Variants in BMP8B observed in about 807,000 individuals in gnomAD.
BMP8B encodes bone morphogenetic protein 8b.
Under a neutral mutation model 30.3 loss-of-function variants are expected in BMP8B, and 17 were observed. The observed-to-expected ratio is 0.56, with a 90% CI of 0.38 to 0.84. BMP8B has a LOEUF of 0.84. Ranked by LOEUF, BMP8B falls within the 40% of genes least tolerant of loss-of-function variation. The pLI, the probability that BMP8B is intolerant of heterozygous loss-of-function variation, is 0.00. For synonymous variants in BMP8B, 131 were observed against 214.7 expected, an observed-to-expected ratio of 0.61 and a Z score of 3.41; for missense variants, 253 against 494.6, an observed-to-expected ratio of 0.51 and a Z score of 4.63.
intron 6 of BMP8B, chr1:39,762,538 T>G: frequency 2.6e-6 from 4 of 1,550,242 alleles, no homozygotes; most frequent in Non-Finnish European, 3.5e-6. Context: ...TACCAAGGCA[T>G]CAAAAGCCAG....
intron 5 of BMP8B, among the ~76,000 whole-genome samples, chr1:39,763,418 C>G (rs1649313614): frequency 9.2e-6 from 1 of 108,466 alleles, no homozygotes; most frequent in Admixed American, 8.3e-5. Flanking sequence ...CTGCCCACGC[C>G]TCCCAGAGCT....
chr1:39,760,701 A>G (rs564341356), intron 6 of BMP8B, 133 bp from the exon 7 acceptor site: 207 of 1,214,506 alleles, frequency 1.7e-4, no homozygotes, highest in Admixed American at 3.0e-4. Flanking sequence ...CACAATAATA[A>G]TAACTATTAA....
intron 1 of BMP8B, among the ~76,000 whole-genome samples, chr1:39,783,626 C>A (rs976011918): frequency 1.3e-5 from 2 of 152,090 alleles, no homozygotes; most frequent in East Asian, 1.9e-4. Flanking sequence ...GAAAAGAAAA[C>A]GCTGGGCACA....
At chr1:39,786,713 G>C (rs1651005218) in intron 1 of BMP8B, among the ~76,000 whole-genome samples, 1 of 149,522 alleles carries the variant, frequency 6.7e-6, no homozygotes, top group Non-Finnish European at 1.5e-5. Context: ...CTTCACAGAT[G>C]GTCTCCTCTG....
At chr1:39,762,509 C>T (rs1194612374) in intron 6 of BMP8B, 3 of 1,548,858 alleles carry the variant, frequency 1.9e-6, no homozygotes. Context: ...CTGCTTTTGT[C>T]CTTTAAGGTT....
In BMP8B at chr1:39,760,007, G is replaced by T; in HGVS notation, c.*412C>A. The T allele has an allele frequency of 4.3e-6, 1 of 232,472 alleles. No individual in the cohort carries two copies. Among genetic ancestry groups the T allele is most frequent in the South Asian group, 6.7e-5 (1 of 14,962 alleles). 14.4% of individuals were successfully genotyped at this position (232,472 alleles called of 1,614,324 possible). ...CACACACCACACCCTGTGATGGATG[G>T]TGAAGAGCTCAAGGTGGCCAACAGT... On this transcript the variant is annotated 3_prime_UTR_variant, in exon 7 of 7. Coordinates refer to ENST00000372827, the MANE Select transcript of BMP8B (RefSeq NM_001720.5).
intron 6 of BMP8B, chr1:39,762,696 C>A: frequency 6.8e-7 from 1 of 1,476,132 alleles, no homozygotes; most frequent in South Asian, 1.4e-5. Context: ...GCACACATAT[C>A]ACGGGCGGTC....
intron 3 of BMP8B, chr1:39,770,021 A>G (rs1426400073): frequency 6.8e-7 from 1 of 1,461,184 alleles, no homozygotes; most frequent in South Asian, 1.3e-5. Context: ...CTTGCCAGGG[A>G]TCATCCAGTT....
intron 1 of BMP8B, among the ~76,000 whole-genome samples, chr1:39,780,829 G>T (rs1194103187): frequency 6.6e-6 from 1 of 152,198 alleles, no homozygotes; most frequent in African/African-American, 2.4e-5. Flanking sequence ...CTGGGAGGTT[G>T]AGGCTGCAGC....
In BMP8B at chr1:39,763,197, C is replaced by G; in HGVS notation, c.954G>C (p.Trp318Cys). ...VSFQDLGWLD[W>C]VIAPQGYSAY... ...CCGAGTAGCCTTGGGGAGCGATGAC[C>G]CAGTCCTGGGGGGCAAGGGAGAAGG... Residue 318 changes from tryptophan to cysteine, a missense_variant, in exon 6 of 7, where the codon TGG (tryptophan) becomes TGC (cysteine). Trp to Cys is a radical substitution (Grantham distance 215). Coordinates refer to ENST00000372827, the MANE Select transcript of BMP8B (RefSeq NM_001720.5). The G allele has an allele frequency of 1.2e-6, 2 of 1,611,866 alleles. No homozygotes were observed. Among genetic ancestry groups the G allele is most frequent in the Non-Finnish European group, 1.7e-6 (2 of 1,178,888 alleles).
At position 39,760,364 on chromosome 1, in the gene BMP8B, T is replaced by G. The variant is rs1648766067; in HGVS notation, c.*55A>C. ...GCTGGGTTTGAGGGTTTCCTGCTTC[T>G]GAGGGGCCCGATCCAGATGAGAAGG... On this transcript the variant is annotated 3_prime_UTR_variant, in exon 7 of 7. Transcript: ENST00000372827. 1 of 1,605,322 alleles carries G rather than the reference T, an allele frequency of 6.2e-7. No individual in the cohort carries two copies. The highest frequency in any genetic ancestry group is 8.5e-7 in the Non-Finnish European group (1 of 1,177,394).
intron 3 of BMP8B, chr1:39,771,480 A>T (rs1649977218): frequency 1.9e-6 from 1 of 518,360 alleles, no homozygotes; most frequent in Non-Finnish European, 3.2e-6. Context: ...TCCAGCGCAC[A>T]GGCCCGGGCG....
At chr1:39,766,203 G>A (rs1278016453) in intron 3 of BMP8B, among the ~76,000 whole-genome samples, 1 of 146,050 alleles carries the variant, frequency 6.8e-6, no homozygotes, top group African/African-American at 2.6e-5. Context: ...AGATGGGAGT[G>A]CAATGGAGCC....
intron 1 of BMP8B, among the ~76,000 whole-genome samples, chr1:39,779,693 G>A (rs1250392252): frequency 6.6e-6 from 1 of 152,224 alleles, no homozygotes; most frequent in Non-Finnish European, 1.5e-5. Flanking sequence ...TGAGAGGCGG[G>A]AGATGCTGTG....
intron 1 of BMP8B, among the ~76,000 whole-genome samples, chr1:39,781,372 A>T (rs1409804852): frequency 6.6e-6 from 1 of 152,164 alleles, no homozygotes; most frequent in African/African-American, 2.4e-5. Context: ...CTTGCCACTA[A>T]CCAGCTGGCC....
chr1:39,763,034 C>A (rs1649224032), intron 6 of BMP8B, 58 bp downstream of exon 6: 2 of 1,584,860 alleles, frequency 1.3e-6, no homozygotes, highest in Admixed American at 1.7e-5. Flanking sequence ...CTGGACCAGA[C>A]CCCTCTCCAC....
At chr1:39,786,644 A>G (rs1312372279) in intron 1 of BMP8B, among the ~76,000 whole-genome samples, 1 of 151,676 alleles carries the variant, frequency 6.6e-6, no homozygotes, top group African/African-American at 2.4e-5. Context: ...TCCATCCACA[A>G]CTCTTCTTGG....
rs1297452477 is a variant in BMP8B at position 39,758,978 on chromosome 1, G to A, written c.*1441C>T. On this transcript the variant is annotated 3_prime_UTR_variant, in exon 7 of 7. Coordinates refer to ENST00000372827, the MANE Select transcript of BMP8B (RefSeq NM_001720.5). ...CAGAGAGGCGCATCCTTGGGCCCAT[G>A]GGGAGGTGGAACCACTCTGCCGGGC... is the stretch of plus-strand genomic sequence containing the variant. The A allele has an allele frequency of 1.3e-5, 2 of 152,304 alleles. No homozygotes were observed. The highest frequency in any genetic ancestry group is 2.4e-5 in the African/African-American group (1 of 41,462). The allele number at this position is 152,304 out of a possible 1,614,324, so 9.4% of individuals were successfully genotyped here.
chr1:39,782,762 C>G (rs1557491595), intron 1 of BMP8B, among the ~76,000 whole-genome samples: 1 of 151,946 alleles, frequency 6.6e-6, no homozygotes, highest in Admixed American at 6.6e-5. Context: ...AGCTTCCGTG[C>G]CTGGCCAGAC....
Sources: allele counts gnomAD v4.1 joint callset (sites outside exome capture counted in the v4.1 genomes callset), GRCh38; gene constraint gnomAD v4.1.1; transcripts MANE v1.5; gene names NCBI Gene and HGNC (gene_info 2026-07-23, HGNC 2026-07-21).